INPP4B: variants seen among roughly 807,000 people sequenced by gnomAD.
The protein encoded by INPP4B is inositol polyphosphate 4-phosphatase type II.
INPP4B carries 55 observed loss-of-function variants against 122.5 expected under a neutral mutation model. That is an observed-to-expected ratio of 0.45 (90% CI 0.36 to 0.56). The LOEUF (loss-of-function observed/expected upper bound fraction) is 0.56. INPP4B is among the 20% of genes least tolerant of loss of function. INPP4B has a pLI of 0.00. For missense variants in INPP4B, 1,000 were observed against 1,097.7 expected, an observed-to-expected ratio of 0.91 and a Z score of 1.26; for synonymous variants, 403 against 388.7, an observed-to-expected ratio of 1.04 and a Z score of -0.43.
chr4:142,720,733 T>TATATATATGTATATATATATATGA (rs1553997305), intron 2 of INPP4B, among the ~76,000 whole-genome samples: 1 of 55,448 alleles, frequency 1.8e-5, no homozygotes, highest in South Asian at 5.0e-4. Context: ...TATATATACA[T>TATATATATGTATATATATATATGA]ATATATATAT....
chr4:142,250,556 C>A (rs908529809), intron 11 of INPP4B, among the ~76,000 whole-genome samples: 2 of 152,138 alleles, frequency 1.3e-5, no homozygotes, highest in African/African-American at 4.8e-5. Flanking sequence ...ATAAATAGAA[C>A]AAAAGATTAA....
chr4:142,442,897 A>G (rs1421161311), intron 3 of INPP4B, among the ~76,000 whole-genome samples: 1 of 152,180 alleles, frequency 6.6e-6, no homozygotes, highest in Admixed American at 6.5e-5. Flanking sequence ...GAAGGCAAAG[A>G]AGAAACAAAG....
rs1324561545 is a variant in INPP4B at position 142,160,427 on chromosome 4, T to C, written c.1494A>G (p.Gln498=). 6 of 1,609,778 alleles carry C rather than the reference T, an allele frequency of 3.7e-6. No individual in the cohort carries two copies. In the East Asian group the frequency reaches 1.3e-4, roughly 36 times the overall value. The part of the protein sequence containing the change: ...PKSSTEESSP[Q]DQPPVMRGQD... ...GCCCTCTCATCACTGGGGGTTGGTC[T>C]TGGGGACTGCTCTCCTCTGTGCTGC... The change falls in exon 17 of 26, where the codon CAA becomes CAG. Residue 498 remains glutamine (Q), a synonymous_variant. Coordinates refer to ENST00000262992, the MANE Select transcript of INPP4B (RefSeq NM_001101669.3).
At chr4:142,244,403 C>T (rs1726804196) in intron 11 of INPP4B, among the ~76,000 whole-genome samples, 1 of 148,998 alleles carries the variant, frequency 6.7e-6, no homozygotes, top group Admixed American at 6.7e-5. Flanking sequence ...AGGTTCACGT[C>T]ATTCTCCTGC....
intron 8 of INPP4B, among the ~76,000 whole-genome samples, chr4:142,306,788 C>A (rs1763545261): frequency 6.6e-6 from 1 of 152,030 alleles, no homozygotes; most frequent in African/African-American, 2.4e-5. Context: ...GGCAGGAGGA[C>A]TGCTTGAGGC....
chr4:142,200,868 T>C (rs1840338588), intron 14 of INPP4B, among the ~76,000 whole-genome samples: 1 of 152,040 alleles, frequency 6.6e-6, no homozygotes, highest in African/African-American at 2.4e-5. Flanking sequence ...CTTATCTAAA[T>C]TCTAGAAAGG....
At chr4:142,321,856 G>A (rs899606663) in intron 7 of INPP4B, among the ~76,000 whole-genome samples, 1 of 152,088 alleles carries the variant, frequency 6.6e-6, no homozygotes, top group African/African-American at 2.4e-5. Flanking sequence ...AGTATAGTTT[G>A]AAGTTGGGTA....
At chr4:142,284,222 G>A (rs1163389148) in intron 9 of INPP4B, among the ~76,000 whole-genome samples, 1 of 152,030 alleles carries the variant, frequency 6.6e-6, no homozygotes, top group Non-Finnish European at 1.5e-5. Flanking sequence ...CAGAGAAATG[G>A]GACATAAGTT....
intron 2 of INPP4B, among the ~76,000 whole-genome samples, chr4:142,655,354 A>ATAACAAAT (rs1753923826): frequency 6.6e-6 from 1 of 152,152 alleles, no homozygotes; most frequent in Non-Finnish European, 1.5e-5. Flanking sequence ...TTCCATCTTC[A>ATAACAAAT]GTGAGTCCTC....
intron 2 of INPP4B, among the ~76,000 whole-genome samples, chr4:142,668,613 C>T (rs1560941813): frequency 6.6e-6 from 1 of 152,098 alleles, no homozygotes; most frequent in Non-Finnish European, 1.5e-5. Context: ...AGACTCCACC[C>T]CAAAACTATT....
intron 1 of INPP4B, among the ~76,000 whole-genome samples, chr4:142,819,323 T>C (rs1780522864): frequency 6.6e-6 from 1 of 152,186 alleles, no homozygotes; most frequent in Non-Finnish European, 1.5e-5. Context: ...GAAATTGTGC[T>C]GAGAAGTTTC....
chr4:142,635,131 G>T (rs1340341428), intron 2 of INPP4B, among the ~76,000 whole-genome samples: 1 of 152,012 alleles, frequency 6.6e-6, no homozygotes, highest in African/African-American at 2.4e-5. Flanking sequence ...GATCATTAGA[G>T]AAATGCAAAT....
intron 5 of INPP4B, among the ~76,000 whole-genome samples, chr4:142,405,765 C>G (rs756921482): frequency 7.2e-5 from 11 of 152,142 alleles, no homozygotes; most frequent in Non-Finnish European, 1.6e-4. Flanking sequence ...ATACTTGGTC[C>G]TTACCTATGT....
chr4:142,626,026 A>C (rs1364455917), intron 2 of INPP4B, among the ~76,000 whole-genome samples: 1 of 152,296 alleles, frequency 6.6e-6, no homozygotes, highest in East Asian at 1.9e-4. Flanking sequence ...AAACCATAAA[A>C]ACCCTAGAAG....
At chr4:142,568,241 C>T (rs1732069808) in intron 2 of INPP4B, among the ~76,000 whole-genome samples, 1 of 151,286 alleles carries the variant, frequency 6.6e-6, no homozygotes, top group Admixed American at 6.6e-5. Context: ...TTCTTTTTCT[C>T]AAGTCGTTTC....
chr4:142,678,377 C>G (rs1480201978), intron 2 of INPP4B, among the ~76,000 whole-genome samples: 2 of 151,844 alleles, frequency 1.3e-5, no homozygotes, highest in African/African-American at 2.4e-5. Context: ...ATTCAAACCC[C>G]TCCTGAGAGG....
chr4:142,740,661 C>T (rs538468058), intron 1 of INPP4B, among the ~76,000 whole-genome samples: 51 of 151,856 alleles, frequency 3.4e-4, no homozygotes, highest in African/African-American at 1.2e-3. Context: ...GTTTACAACA[C>T]TCAAAAGCCC....
At chr4:142,750,975 G>A (rs1769601017) in intron 1 of INPP4B, among the ~76,000 whole-genome samples, 2 of 152,166 alleles carry the variant, frequency 1.3e-5, no homozygotes. Flanking sequence ...TCAAAAAGTA[G>A]AAGAGTTAGG....
chr4:142,256,227 C>A (rs979692498), intron 11 of INPP4B, among the ~76,000 whole-genome samples: 36 of 151,396 alleles, frequency 2.4e-4, no homozygotes, highest in Non-Finnish European at 4.0e-4. Flanking sequence ...AAATTTATAG[C>A]ACTAAATGCC....
Sources: gnomAD v4.1 joint callset for allele counts (sites outside exome capture counted in the v4.1 genomes callset) on GRCh38, gnomAD v4.1.1 for gene constraint, MANE v1.5 for transcripts, NCBI Gene and HGNC (gene_info 2026-07-23, HGNC 2026-07-21) for gene names.